LSAMP: variants seen among roughly 807,000 people sequenced by gnomAD.
The protein encoded by LSAMP is limbic system-associated membrane protein.
Under a neutral mutation model 38.6 loss-of-function variants are expected in LSAMP, and 7 were observed. That is an observed-to-expected ratio of 0.18 (90% CI 0.10 to 0.34). LSAMP has a LOEUF of 0.34. LSAMP is among the 10% of genes least tolerant of loss of function. The pLI, the probability that LSAMP is intolerant of heterozygous loss-of-function variation, is 1.00. For missense variants in LSAMP, 313 were observed against 420.0 expected (o/e 0.75, Z 2.23); for synonymous variants, 154 against 166.8 (o/e 0.92, Z 0.59).
intron 1 of LSAMP, among the ~76,000 whole-genome samples, chr3:116,217,374 A>G (rs188950760): frequency 4.9e-4 from 75 of 152,276 alleles, no homozygotes; most frequent in Middle Eastern, 3.4e-3. Flanking sequence ...ATATATCTGG[A>G]CTCAAATTCT....
chr3:116,173,605 T>TA (rs1480294203), intron 1 of LSAMP, among the ~76,000 whole-genome samples: 2 of 152,000 alleles, frequency 1.3e-5, no homozygotes, highest in Non-Finnish European at 2.9e-5. Context: ...ACATACTAGG[T>TA]TTCTATTATG....
chr3:115,924,989 A>G (rs145126008), intron 3 of LSAMP, among the ~76,000 whole-genome samples: 1 of 152,254 alleles, frequency 6.6e-6, no homozygotes, highest in East Asian at 1.9e-4. Flanking sequence ...TACCCACTCC[A>G]CAATACATTC....
At chr3:116,292,123 C>T (rs1206775434) in intron 1 of LSAMP, among the ~76,000 whole-genome samples, 1 of 152,130 alleles carries the variant, frequency 6.6e-6, no homozygotes, top group Non-Finnish European at 1.5e-5. Context: ...GTAATCTCCC[C>T]TACTTCTTTT....
chr3:115,953,938 C>T (rs979609524), intron 3 of LSAMP, among the ~76,000 whole-genome samples: 1 of 152,148 alleles, frequency 6.6e-6, no homozygotes, highest in African/African-American at 2.4e-5. Context: ...TCAAATGTCT[C>T]GTTCTGTAAG....
chr3:116,010,718 C>G (rs1940299574), intron 3 of LSAMP, among the ~76,000 whole-genome samples: 1 of 152,320 alleles, frequency 6.6e-6, no homozygotes, highest in Middle Eastern at 3.4e-3. Flanking sequence ...AGACAGAGAA[C>G]TTTCCTGAAA....
At chr3:115,817,805 C>T (rs1020888553) in intron 6 of LSAMP, among the ~76,000 whole-genome samples, 6 of 152,174 alleles carry the variant, frequency 3.9e-5, no homozygotes, top group African/African-American at 1.4e-4. Flanking sequence ...GGAAGTGAAT[C>T]CAGGTTCTAT....
rs1934026377 is a variant in LSAMP, at chr3:115,816,551, C to A, written c.920-6137G>T. The A allele has an allele frequency of 1.2e-5, 12 of 976,980 alleles. 1 individual carries two copies. In the South Asian group the frequency reaches 1.7e-4, roughly 14 times the overall value. 60.5% of individuals were successfully genotyped at this position (976,980 alleles called of 1,614,324 possible). A position where few individuals can be genotyped will look rare whatever the true frequency, so the allele number is the denominator to read the frequency against. ...ACTGAAACTCAAGTATATAAGACAA[C>A]AATATATTGCTGTGAAATCTTAATT... On this transcript the variant is annotated intron_variant, in intron 6 of 6. Transcript: ENST00000490035.
At chr3:116,410,365 T>C (rs1193406771) in intron 1 of LSAMP, among the ~76,000 whole-genome samples, 1 of 152,024 alleles carries the variant, frequency 6.6e-6, no homozygotes, top group Non-Finnish European at 1.5e-5. Context: ...TAATGGACTC[T>C]GGTGAAGCTG....
intron 1 of LSAMP, among the ~76,000 whole-genome samples, chr3:116,173,318 C>T (rs183755544): frequency 8.5e-5 from 13 of 152,118 alleles, no homozygotes; most frequent in African/African-American, 2.9e-4. Context: ...GTTTTAATTG[C>T]TTCATCTAAA....
chr3:115,891,485 T>C (rs1936599056), intron 3 of LSAMP, among the ~76,000 whole-genome samples: 1 of 152,058 alleles, frequency 6.6e-6, no homozygotes, highest in Non-Finnish European at 1.5e-5. Flanking sequence ...TCACAACATA[T>C]GAGTGATCTC....
intron 1 of LSAMP, among the ~76,000 whole-genome samples, chr3:116,354,062 A>G (rs2048186025): frequency 6.6e-6 from 1 of 151,996 alleles, no homozygotes; most frequent in South Asian, 2.1e-4. Flanking sequence ...TTTCCTTTTC[A>G]CCCTTGAAGC....
intron 1 of LSAMP, among the ~76,000 whole-genome samples, chr3:116,145,628 A>G (rs1423950889): frequency 6.6e-6 from 1 of 151,988 alleles, no homozygotes; most frequent in Non-Finnish European, 1.5e-5. Flanking sequence ...CAATATCTGG[A>G]CTGGTGTTTA....
intron 1 of LSAMP, among the ~76,000 whole-genome samples, chr3:116,343,101 A>T (rs2048018535): frequency 6.6e-6 from 1 of 152,052 alleles, no homozygotes; most frequent in African/African-American, 2.4e-5. Flanking sequence ...CAAAAACAAA[A>T]CAACAATAAC....
chr3:116,242,761 C>G (rs895053082), intron 1 of LSAMP, among the ~76,000 whole-genome samples: 3 of 147,866 alleles, frequency 2.0e-5, no homozygotes, highest in African/African-American at 7.8e-5. Context: ...TGAGTTTTAA[C>G]ATTGAAAAAA....
chr3:115,864,977 A>G (rs1935816913), intron 3 of LSAMP, among the ~76,000 whole-genome samples: 1 of 152,212 alleles, frequency 6.6e-6, no homozygotes, highest in Admixed American at 6.6e-5. Flanking sequence ...ATTTCATCTT[A>G]TTCTTGGTAG....
chr3:116,186,017 T>TA (rs925364057), intron 1 of LSAMP, among the ~76,000 whole-genome samples: 59 of 152,216 alleles, frequency 3.9e-4, no homozygotes, highest in African/African-American at 1.4e-3. Flanking sequence ...CTGATTTTTT[T>TA]AATGCTAGGT....
chr3:116,427,472 C>T (rs2049218030), intron 1 of LSAMP, among the ~76,000 whole-genome samples: 1 of 152,170 alleles, frequency 6.6e-6, no homozygotes, highest in East Asian at 1.9e-4. Flanking sequence ...CAGCTCACGG[C>T]ATTTTTTGAA....
intron 1 of LSAMP, among the ~76,000 whole-genome samples, chr3:116,260,606 T>C (rs2046813285): frequency 6.6e-6 from 1 of 152,200 alleles, no homozygotes; most frequent in African/African-American, 2.4e-5. Context: ...GTAACTGCAC[T>C]TGGACACCTT....
At chr3:115,910,004 A>G (rs1195079393) in intron 3 of LSAMP, among the ~76,000 whole-genome samples, 2 of 152,186 alleles carry the variant, frequency 1.3e-5, no homozygotes, top group African/African-American at 4.8e-5. Flanking sequence ...ATGTGCTCAT[A>G]TCAGTGTTGT....
Sources: allele counts gnomAD v4.1 joint callset (sites outside exome capture counted in the v4.1 genomes callset), GRCh38; gene constraint gnomAD v4.1.1; transcripts MANE v1.5; gene names NCBI Gene and HGNC (gene_info 2026-07-23, HGNC 2026-07-21).